UBALD2: variants seen among roughly 807,000 people sequenced by gnomAD.
UBALD2 encodes UBA-like domain-containing protein 2.
A neutral mutation model predicts 15.9 loss-of-function variants in UBALD2; 8 were observed. The ratio of observed to expected loss-of-function variants is 0.50; its 90% CI spans 0.29 to 0.91. The LOEUF (loss-of-function observed/expected upper bound fraction) is 0.91. UBALD2 is among the 40% of genes least tolerant of loss of function. UBALD2 has a pLI of 0.07. For synonymous variants in UBALD2, 113 were observed against 97.7 expected, an observed-to-expected ratio of 1.16 and a Z score of -0.93; for missense variants, 178 against 234.8, an observed-to-expected ratio of 0.76 and a Z score of 1.58.
Position 76,270,355 on chromosome 17 carries a change from G to A in UBALD2, c.345G>A (p.Ser115=), listed in dbSNP as rs1166854881. The A allele has an allele frequency of 6.3e-6, 10 of 1,579,556 alleles. No homozygotes were observed. Among genetic ancestry groups the A allele is most frequent in the African/African-American group, 1.3e-5 (1 of 74,296 alleles). ...CAAACTTCAGCCCCTTCTGGGCCTC[G>A]TCCCCGCCCAGCCACCAGGCGCCCT... ...PPANFSPFWA[S]SPPSHQAPWI... is the part of the protein sequence containing the mutation. Residue 115 remains serine (S), a synonymous_variant, in exon 3 of 3, where the codon TCG becomes TCA. Coordinates refer to ENST00000327490, the MANE Select transcript of UBALD2 (RefSeq NM_182565.4).
At position 76,265,439 on chromosome 17, in the gene UBALD2, T is replaced by G; in HGVS notation, c.-67T>G. ...GCCCCGGAGCCCCGGGCGGCCGGCC[T>G]CCCGCGCCCGCGCAGCCCCGCGTCT... On this transcript the variant is annotated 5_prime_UTR_variant, in exon 1 of 3. Coordinates refer to ENST00000327490, the MANE Select transcript of UBALD2 (RefSeq NM_182565.4). 1 of 987,482 alleles carries G rather than the reference T, an allele frequency of 1.0e-6. No homozygotes were observed. The highest frequency in any genetic ancestry group is 1.8e-5 in the African/African-American group (1 of 56,324). 61.2% of individuals were successfully genotyped at this position (987,482 alleles called of 1,614,324 possible).
chr17:76,270,616 C>A lies in UBALD2; in HGVS notation c.*111C>A. On this transcript the variant is annotated 3_prime_UTR_variant, in exon 3 of 3. Transcript: ENST00000327490. The stretch of plus-strand genomic sequence containing the variant: ...GGAGGGCAGGGGGTTTCCCGAAGAT[C>A]GCACTGGAAGATTTTATAAAAGAAT... 9.6e-7 allele frequency: 1 copy of A among 1,040,902 alleles called. No individual in the cohort carries two copies. Among genetic ancestry groups the A allele is most frequent in the Non-Finnish European group, 1.3e-6 (1 of 770,448 alleles). 64.5% of individuals were successfully genotyped at this position (1,040,902 alleles called of 1,614,324 possible).
At position 76,271,259 on chromosome 17, in the gene UBALD2, AT is replaced by A. The variant is rs1335034650; in HGVS notation, c.*758del. Reference sequence around the variant, plus strand: ...CAGAATCCCATCTCACCAGGGCGAAATTTTAATTTAAAAACTTAAAAAGAGA... The same window carrying A: ...CAGAATCCCATCTCACCAGGGCGAAATTTAATTTAAAAACTTAAAAAGAGA... On this transcript the variant is annotated 3_prime_UTR_variant, in exon 3 of 3. Coordinates refer to ENST00000327490, the MANE Select transcript of UBALD2 (RefSeq NM_182565.4). 1 of 152,222 alleles carries A rather than the reference AT, an allele frequency of 6.6e-6. No homozygotes were observed. Among genetic ancestry groups the A allele is most frequent in the Non-Finnish European group, 1.5e-5 (1 of 68,042 alleles). 9.4% of individuals were successfully genotyped at this position (152,222 alleles called of 1,614,324 possible).
intron 2 of UBALD2, among the ~76,000 whole-genome samples, chr17:76,268,730 T>G (rs1223050208): frequency 7.1e-6 from 1 of 140,880 alleles, no homozygotes. Flanking sequence ...AAGCTCCCTC[T>G]GTTTTTTTTT....
At chr17:76,267,025 T>G (rs960458287) in intron 2 of UBALD2, among the ~76,000 whole-genome samples, 10 of 152,162 alleles carry the variant, frequency 6.6e-5, no homozygotes, top group African/African-American at 2.4e-4. Flanking sequence ...AAAATGGCAT[T>G]TGAGTATGAT....
At position 76,265,427 on chromosome 17, in the gene UBALD2, G is replaced by A. The variant is rs1456677642; in HGVS notation, c.-79G>A. 2 of 983,200 alleles carry A rather than the reference G, an allele frequency of 2.0e-6. No individual in the cohort carries two copies. The highest frequency in any genetic ancestry group is 2.4e-6 in the Non-Finnish European group (2 of 829,514). The allele number at this position is 983,200 out of a possible 1,614,324, so 60.9% of individuals were successfully genotyped here. A position where few individuals can be genotyped will look rare whatever the true frequency, so the allele number is the denominator to read the frequency against. ...CGGTGAGCGCGAGCCCCGGAGCCCC[G>A]GGCGGCCGGCCTCCCGCGCCCGCGC... On this transcript the variant is annotated 5_prime_UTR_variant, in exon 1 of 3. Transcript: ENST00000327490.
chr17:76,265,989 G>A lies in UBALD2; in HGVS notation c.183+20G>A. On this transcript the variant is annotated intron_variant, in intron 2 of 2. Transcript: ENST00000327490. ...CAGATGGTAAGCGGCGGCGGGCAGG[G>A]GCGCGGGCCGGGGCCGCTGTCAGCG... is the stretch of plus-strand genomic sequence containing the variant. 1.3e-6 allele frequency: 2 copies of A among 1,557,948 alleles called. No homozygotes were observed. Among genetic ancestry groups the A allele is most frequent in the Non-Finnish European group, 1.7e-6 (2 of 1,152,358 alleles).
At position 76,270,401 on chromosome 17, in the gene UBALD2, A is replaced by G; in HGVS notation, c.391A>G (p.Thr131Ala). 2.0e-6 allele frequency: 1 copy of G among 505,466 alleles called. No homozygotes were observed. The highest frequency in any genetic ancestry group is 6.2e-4 in the Middle Eastern group (1 of 1,602). 31.3% of individuals were successfully genotyped at this position (505,466 alleles called of 1,614,324 possible). A position where few individuals can be genotyped will look rare whatever the true frequency, so the allele number is the denominator to read the frequency against. Residue 131 changes from threonine (T) to alanine (A), a missense_variant, in exon 3 of 3, where the codon ACC becomes GCC. By Grantham distance (58) the Thr-to-Ala change is moderately conservative. Transcript: ENST00000327490. ...QAPWIPPSSP[T>A]TFHHLHRPQP... Reference sequence around the variant, plus strand: ...GCCCTGGATCCCGCCCTCCTCCCCCACCACCTTCCACCACCTCCACCGCCC... The same window carrying G: ...GCCCTGGATCCCGCCCTCCTCCCCCGCCACCTTCCACCACCTCCACCGCCC...
In UBALD2 at chr17:76,270,197, T is replaced by A; in HGVS notation, c.187T>A (p.Cys63Ser). Residue 63 changes from cysteine to serine, a missense_variant, in exon 3 of 3, where the codon TGC (cysteine) becomes AGC (serine). Coordinates refer to ENST00000327490, the MANE Select transcript of UBALD2 (RefSeq NM_182565.4). ...ACACCCGTGTTCTCTCCCGCAGATG[T>A]GCACTCCCAGCAACACCCCTGCCAC... ...PNSHHHHQMM[C>S]TPSNTPATPP... 2 of 1,611,986 alleles carry A rather than the reference T, an allele frequency of 1.2e-6. No individual in the cohort carries two copies. The highest frequency in any genetic ancestry group is 1.7e-6 in the Non-Finnish European group (2 of 1,179,818).
intron 1 of UBALD2, 118 bp from the exon 2 acceptor site, chr17:76,265,789 A>AGCCGAGGGTCGGGG (rs1436944995): frequency 1.4e-6 from 2 of 1,430,910 alleles, no homozygotes; most frequent in Non-Finnish European, 1.9e-6. Context: ...CACGTGGGGC[A>AGCCGAGGGTCGGGG]GCCGAGGGTC....
rs1162219056 is a variant in UBALD2 at position 76,270,531 on chromosome 17, TG to T, written c.*28del. The T allele has an allele frequency of 6.3e-6, 9 of 1,432,908 alleles. No individual in the cohort carries two copies. Among genetic ancestry groups the T allele is most frequent in the Non-Finnish European group, 8.2e-6 (9 of 1,098,108 alleles). 88.8% of individuals were successfully genotyped at this position (1,432,908 alleles called of 1,614,324 possible). ...GACTGGACGCCGCCGGGCGCTGGGC[TG>T]GAGCTGGGGGCAGCCCAGGGTTGTG... is the stretch of plus-strand genomic sequence containing the variant. On this transcript the variant is annotated 3_prime_UTR_variant, in exon 3 of 3. Transcript: ENST00000327490.
chr17:76,267,645 C>T (rs1440183930), intron 2 of UBALD2, among the ~76,000 whole-genome samples: 1 of 151,686 alleles, frequency 6.6e-6, no homozygotes, highest in Non-Finnish European at 1.5e-5. Context: ...TGAGCCACTG[C>T]ACCCAGCTGG....
At chr17:76,265,848 A>T in intron 1 of UBALD2, 59 bp from the exon 2 acceptor site, 3 of 1,549,906 alleles carry the variant, frequency 1.9e-6, no homozygotes, top group South Asian at 1.2e-5. Context: ...TGGGGGGCCC[A>T]GCCGCTGCGT....
chr17:76,266,248 T>C (rs1436188668), intron 2 of UBALD2, among the ~76,000 whole-genome samples: 1 of 145,774 alleles, frequency 6.9e-6, no homozygotes, highest in Non-Finnish European at 1.5e-5. Context: ...GGCGAGGGGC[T>C]CAGGAGCTGG....
At chr17:76,268,082 C>T (rs2070558189) in intron 2 of UBALD2, among the ~76,000 whole-genome samples, 3 of 152,204 alleles carry the variant, frequency 2.0e-5, no homozygotes, top group Admixed American at 1.3e-4. Context: ...TTGTCCCGTA[C>T]ATTACTGTAG....
Position 76,265,402 on chromosome 17 carries a change from C to G in UBALD2, c.-104C>G. 2.1e-6 allele frequency: 2 copies of G among 965,008 alleles called. No homozygotes were observed. The highest frequency in any genetic ancestry group is 2.5e-6 in the Non-Finnish European group (2 of 813,312). 59.8% of individuals were successfully genotyped at this position (965,008 alleles called of 1,614,324 possible). A position where few individuals can be genotyped will look rare whatever the true frequency, so the allele number is the denominator to read the frequency against. On this transcript the variant is annotated 5_prime_UTR_variant, in exon 1 of 3. Coordinates refer to ENST00000327490, the MANE Select transcript of UBALD2 (RefSeq NM_182565.4). ...GCGGGCGGCGGAGCGGCGGCAGCAG[C>G]GGTGAGCGCGAGCCCCGGAGCCCCG...
Position 76,270,541 on chromosome 17 carries a change from G to T in UBALD2, c.*36G>T, listed in dbSNP as rs1205721062. ...CGCCGGGCGCTGGGCTGGAGCTGGG[G>T]GCAGCCCAGGGTTGTGGGGACACAG... On this transcript the variant is annotated 3_prime_UTR_variant, in exon 3 of 3. Transcript: ENST00000327490. 1 of 1,427,720 alleles carries T rather than the reference G, an allele frequency of 7.0e-7. No individual in the cohort carries two copies. Among genetic ancestry groups the T allele is most frequent in the African/African-American group, 1.5e-5 (1 of 68,816 alleles). 88.4% of individuals were successfully genotyped at this position (1,427,720 alleles called of 1,614,324 possible). A position where few individuals can be genotyped will look rare whatever the true frequency, so the allele number is the denominator to read the frequency against.
In UBALD2 at chr17:76,270,543, C is replaced by A; in HGVS notation, c.*38C>A. ...CCGGGCGCTGGGCTGGAGCTGGGGG[C>A]AGCCCAGGGTTGTGGGGACACAGGA... On this transcript the variant is annotated 3_prime_UTR_variant, in exon 3 of 3. Coordinates refer to ENST00000327490, the MANE Select transcript of UBALD2 (RefSeq NM_182565.4). 2 of 1,426,874 alleles carry A rather than the reference C, an allele frequency of 1.4e-6. No individual in the cohort carries two copies. The highest frequency in any genetic ancestry group is 3.0e-5 in the South Asian group (2 of 66,466). 88.4% of individuals were successfully genotyped at this position (1,426,874 alleles called of 1,614,324 possible). A position where few individuals can be genotyped will look rare whatever the true frequency, so the allele number is the denominator to read the frequency against.
At position 76,270,494 on chromosome 17, in the gene UBALD2, G is replaced by A. The variant is rs545682018; in HGVS notation, c.484G>A (p.Gly162Ser). The A allele has an allele frequency of 2.5e-5, 37 of 1,459,444 alleles. No homozygotes were observed. Among genetic ancestry groups the A allele is most frequent in the African/African-American group, 5.7e-5 (4 of 69,918 alleles). 90.4% of individuals were successfully genotyped at this position (1,459,444 alleles called of 1,614,324 possible). Residue 162 changes from glycine to serine, a missense_variant, in exon 3 of 3, where the codon GGC becomes AGC. By Grantham distance (56) the Gly-to-Ser change is moderately conservative. Transcript: ENST00000327490. ...AQQKAMAAMDGQR is the reference protein window; with the variant it reads ...AQQKAMAAMDSQR Reference sequence around the variant, plus strand: ...GCAGAAAGCCATGGCGGCCATGGACGGCCAGAGATGAGACTGGACGCCGCC... The same window carrying A: ...GCAGAAAGCCATGGCGGCCATGGACAGCCAGAGATGAGACTGGACGCCGCC...
Sources: gnomAD v4.1 joint callset for allele counts (sites outside exome capture counted in the v4.1 genomes callset) on GRCh38, gnomAD v4.1.1 for gene constraint, MANE v1.5 for transcripts, NCBI Gene and HGNC (gene_info 2026-07-23, HGNC 2026-07-21) for gene names.